Variants in TMEM156 observed in about 807,000 individuals in gnomAD.
TMEM156 encodes the protein transmembrane protein 156.
A neutral mutation model predicts 30.5 loss-of-function variants in TMEM156; 28 were observed. That is an observed-to-expected ratio of 0.92 (90% confidence interval 0.68 to 1.26). TMEM156 has a LOEUF of 1.26. Among genes scored for constraint, TMEM156 ranks in the 50% most tolerant of loss-of-function variants. TMEM156 has a pLI of 0.00. For missense variants in TMEM156, 351 were observed against 340.6 expected (o/e 1.03, Z -0.24); for synonymous variants, 137 against 119.9 (o/e 1.14, Z -0.93).
At chr4:39,018,988 T>C (rs1181694029) in intron 1 of TMEM156, among the ~76,000 whole-genome samples, 1 of 142,552 alleles carries the variant, frequency 7.0e-6, no homozygotes, top group Non-Finnish European at 1.5e-5. Flanking sequence ...GCCACTGCAC[T>C]CCAGCCTGGG....
At chr4:38,988,559 C>A (rs1379740105) in intron 4 of TMEM156, among the ~76,000 whole-genome samples, 2 of 152,144 alleles carry the variant, frequency 1.3e-5, no homozygotes, top group Non-Finnish European at 2.9e-5. Flanking sequence ...ACTTCCTGTT[C>A]TTCTCTCTCT....
intron 3 of TMEM156, among the ~76,000 whole-genome samples, chr4:38,990,837 T>TTC (rs1712388563): frequency 7.7e-6 from 1 of 129,180 alleles, no homozygotes; most frequent in Non-Finnish European, 1.7e-5. Flanking sequence ...CTGGTTTTTT[T>TTC]TTTTTTTTTT....
chr4:38,980,291 G>A (rs1723115169), intron 5 of TMEM156, among the ~76,000 whole-genome samples: 1 of 151,724 alleles, frequency 6.6e-6, no homozygotes, highest in East Asian at 1.9e-4. Context: ...TACTCCAAAG[G>A]ATAAAACTGA....
At chr4:38,975,791 A>G (rs898072731) in intron 5 of TMEM156, among the ~76,000 whole-genome samples, 1 of 152,326 alleles carries the variant, frequency 6.6e-6, no homozygotes, top group East Asian at 1.9e-4. Context: ...GAGCGTGGGC[A>G]AGACCATGAA....
intron 5 of TMEM156, among the ~76,000 whole-genome samples, chr4:38,978,673 A>G (rs1030077699): frequency 5.9e-5 from 9 of 152,176 alleles, no homozygotes; most frequent in African/African-American, 2.2e-4. Context: ...TCATCTTCAA[A>G]AAATTATTCC....
chr4:39,011,345 C>T (rs1244624609), intron 1 of TMEM156, among the ~76,000 whole-genome samples: 1 of 152,180 alleles, frequency 6.6e-6, no homozygotes, highest in Non-Finnish European at 1.5e-5. Context: ...TTGGAGATTT[C>T]TGAAAGAACT....
intron 1 of TMEM156, among the ~76,000 whole-genome samples, chr4:38,999,733 C>T (rs1488175407): frequency 2.0e-5 from 3 of 152,166 alleles, no homozygotes; most frequent in Non-Finnish European, 4.4e-5. Flanking sequence ...TTCCTTGGCC[C>T]TCTGGTGGCT....
At chr4:39,010,243 A>G (rs1714017446) in intron 1 of TMEM156, among the ~76,000 whole-genome samples, 1 of 152,218 alleles carries the variant, frequency 6.6e-6, no homozygotes, top group African/African-American at 2.4e-5. Flanking sequence ...GAAAGAAATC[A>G]TAGATAACAC....
Position 39,023,113 on chromosome 4 carries a change from G to A in TMEM156, c.88+9113C>T, listed in dbSNP as rs547113657. 1.9e-4 allele frequency among the ~76,000 whole-genome samples: 29 copies of A among 152,290 alleles called. No individual in the cohort carries two copies. The South Asian group carries it at 3.3e-3, about 17-fold the overall frequency. Reference sequence around the variant, plus strand: ...GATGGGATTAGTGTCCTTATAAGAAGAGACCAGAGAGGTAACTAGTCCATC... The same window carrying A: ...GATGGGATTAGTGTCCTTATAAGAAAAGACCAGAGAGGTAACTAGTCCATC... On this transcript the variant is annotated intron_variant, in intron 1 of 6. Transcript: ENST00000381938.
chr4:38,994,819 G>T (rs1039045808), intron 2 of TMEM156, among the ~76,000 whole-genome samples: 9 of 152,184 alleles, frequency 5.9e-5, no homozygotes, highest in Middle Eastern at 3.4e-3. Flanking sequence ...GTGGTGATGT[G>T]TGCCTGCAGG....
intron 1 of TMEM156, among the ~76,000 whole-genome samples, chr4:39,002,549 A>G (rs1713440856): frequency 7.1e-6 from 1 of 141,646 alleles, no homozygotes; most frequent in East Asian, 2.2e-4. Flanking sequence ...TACCCAAAGG[A>G]CTATAAATCA....
chr4:38,974,672 T>C (rs899071749), intron 5 of TMEM156, among the ~76,000 whole-genome samples: 2 of 127,798 alleles, frequency 1.6e-5, no homozygotes, highest in East Asian at 4.4e-4. Context: ...TAATTAAAAG[T>C]AATTTTTTTT....
intron 1 of TMEM156, 39 bp from the exon 2 acceptor site, chr4:38,998,948 G>A: frequency 1.3e-6 from 2 of 1,558,680 alleles, no homozygotes; most frequent in Non-Finnish European, 1.7e-6. Context: ...TTACTGTAAA[G>A]CTTTGAGTTT....
At chr4:38,970,302 A>G (rs1722535921) in intron 6 of TMEM156, among the ~76,000 whole-genome samples, 1 of 152,156 alleles carries the variant, frequency 6.6e-6, no homozygotes, top group Non-Finnish European at 1.5e-5. Context: ...CCCACACCCT[A>G]GTTTAATATG....
At position 39,031,905 on chromosome 4, in the gene TMEM156, A is replaced by AAAC. The variant is rs60499521; in HGVS notation, c.88+320_88+321insGTT. Among the ~76,000 whole-genome samples the AAAC allele has an allele frequency of 8.4e-4, 109 of 129,234 alleles. 9 individuals are homozygous for AAAC. The highest frequency in any genetic ancestry group is 8.3e-4 in the Admixed American group (10 of 12,006). 84.8% of individuals were successfully genotyped at this position (129,234 alleles called of 152,430 possible). The stretch of plus-strand genomic sequence containing the variant: ...AAAAAAAAAAATAAAAAATAAAAAA[A>AAAC]TAAAAAAAAACTGCTTTGAAGAAAG... On this transcript the variant is annotated intron_variant, in intron 1 of 6. Coordinates refer to ENST00000381938, the MANE Select transcript of TMEM156 (RefSeq NM_024943.3).
intron 1 of TMEM156, among the ~76,000 whole-genome samples, chr4:39,027,007 C>T (rs995903428): frequency 9.9e-5 from 15 of 152,126 alleles, no homozygotes; most frequent in Admixed American, 5.2e-4. Context: ...AGTTTTATTC[C>T]TTCTTTCTAA....
At chr4:38,990,724 A>G (rs1411164763) in intron 3 of TMEM156, among the ~76,000 whole-genome samples, 1 of 152,056 alleles carries the variant, frequency 6.6e-6, no homozygotes, top group Non-Finnish European at 1.5e-5. Context: ...TAAATTTGCC[A>G]GACTGGATCA....
At chr4:38,999,110 A>ATTTATTTTTTTTTTTTTTTTTTTT (rs1560372037) in intron 1 of TMEM156, among the ~76,000 whole-genome samples, 1 of 106,110 alleles carries the variant, frequency 9.4e-6, no homozygotes, top group African/African-American at 3.5e-5. Flanking sequence ...TTATTTATTT[A>ATTTATTTTTTTTTTTTTTTTTTTT]TTTTTTTTTT....
chr4:38,989,064 G>T, intron 3 of TMEM156, 94 bp from the exon 4 acceptor site: 7 of 1,287,968 alleles, frequency 5.4e-6, no homozygotes, highest in Non-Finnish European at 7.5e-6. Flanking sequence ...AACATATTCT[G>T]CCCTGAATTG....
Sources: allele counts gnomAD v4.1 joint callset (sites outside exome capture counted in the v4.1 genomes callset), GRCh38; gene constraint gnomAD v4.1.1; transcripts MANE v1.5; gene names NCBI Gene and HGNC (gene_info 2026-07-23, HGNC 2026-07-21).